PI4KA: variants seen among roughly 807,000 people sequenced by gnomAD.
PI4KA encodes PI4-kinase alpha.
PI4KA carries 122 observed loss-of-function variants against 271.4 expected under a neutral mutation model. The observed-to-expected ratio is 0.45, with a 90% confidence interval of 0.39 to 0.52. The LOEUF (loss-of-function observed/expected upper bound fraction) is 0.52, where lower values mean the gene tolerates loss of function less well. PI4KA is among the 20% of genes least tolerant of loss of function. The pLI, the probability that PI4KA is intolerant of heterozygous loss-of-function variation, is 0.00. For synonymous variants in PI4KA, 1,041 were observed against 1,078.8 expected (o/e 0.96, Z 0.69); for missense variants, 1,969 against 2,769.1 (o/e 0.71, Z 6.48).
chr22:20,730,382 C>A (rs1927880927), intron 36 of PI4KA, among the ~76,000 whole-genome samples: 1 of 151,944 alleles, frequency 6.6e-6, no homozygotes, highest in African/African-American at 2.4e-5. Flanking sequence ...TCAAGTGATC[C>A]TCCTGCCTCA....
Position 20,751,477 on chromosome 22 carries a change from G to A in PI4KA, c.3070-101C>T, listed in dbSNP as rs1930683275. On this transcript the variant is annotated intron_variant, in intron 26 of 54. Transcript: ENST00000255882. ...ACCCACCACCTGTCTGTCTGTGACAGGCCTCCATACTTGATGCAACTTATT... is the reference window on the plus strand; with the variant it reads ...ACCCACCACCTGTCTGTCTGTGACAAGCCTCCATACTTGATGCAACTTATT... The A allele has an allele frequency of 3.6e-6, 4 of 1,118,146 alleles. No homozygotes were observed. In the Admixed American group the frequency reaches 6.0e-5, roughly 17 times the overall value. The allele number at this position is 1,118,146 out of a possible 1,614,324, so 69.3% of individuals were successfully genotyped here. A position where few individuals can be genotyped will look rare whatever the true frequency, so the allele number is the denominator to read the frequency against.
chr22:20,794,312 G>A (rs2147561200), intron 18 of PI4KA, among the ~76,000 whole-genome samples: 1 of 152,260 alleles, frequency 6.6e-6, no homozygotes, highest in South Asian at 2.1e-4. Context: ...GGGAGAGCAG[G>A]CTCCTGAAAC....
intron 6 of PI4KA, 66 bp from the exon 7 acceptor site, chr22:20,818,615 G>A: frequency 4.8e-6 from 6 of 1,244,736 alleles, no homozygotes; most frequent in Non-Finnish European, 6.6e-6. Flanking sequence ...ATTTGTCTTA[G>A]ACAAGGTCCT....
chr22:20,854,994 A>G (rs991591758), intron 1 of PI4KA, among the ~76,000 whole-genome samples: 4 of 152,154 alleles, frequency 2.6e-5, no homozygotes, highest in African/African-American at 9.7e-5. Context: ...TCTACTAAAA[A>G]TACAAAAATT....
At chr22:20,796,089 C>T in intron 18 of PI4KA, 57 bp downstream of exon 18, 2 of 1,525,346 alleles carry the variant, frequency 1.3e-6, no homozygotes, top group South Asian at 1.1e-5. Context: ...GAAGACTAAG[C>T]CTTGGCCAGC....
intron 26 of PI4KA, 128 bp from the exon 27 acceptor site, chr22:20,751,504 C>A: frequency 1.0e-6 from 1 of 960,742 alleles, no homozygotes; most frequent in Non-Finnish European, 1.6e-6. Flanking sequence ...CAACTTATTG[C>A]AAAACACCAG....
chr22:20,838,538 T>C, intron 2 of PI4KA, 77 bp downstream of exon 2: 1 of 814,216 alleles, frequency 1.2e-6, no homozygotes, highest in Non-Finnish European at 2.1e-6. Context: ...TTTAGGTAAA[T>C]ATAAGCAGAT....
At chr22:20,758,364 CAAAAAAAAAAAAAAA>C (rs3042105) in intron 23 of PI4KA, among the ~76,000 whole-genome samples, 1 of 43,260 alleles carries the variant, frequency 2.3e-5, no homozygotes, top group African/African-American at 1.1e-4. Flanking sequence ...GACTCTGTCT[CAAAAAAAAAAAAAAA>C]AAAAAAAAAA....
chr22:20,801,862 G>C, intron 14 of PI4KA, 111 bp downstream of exon 14: 4 of 1,201,696 alleles, frequency 3.3e-6, no homozygotes, highest in Non-Finnish European at 3.5e-6. Context: ...TTCCAGCCTG[G>C]GCAACAGAGC....
In PI4KA at chr22:20,732,934, T is replaced by C. The variant is rs1229642003; in HGVS notation, c.4288+37A>G. On this transcript the variant is annotated intron_variant, in intron 36 of 54. Coordinates refer to ENST00000255882, the MANE Select transcript of PI4KA (RefSeq NM_058004.4). ...GCCCACGTGGCACCCCTGTCCTGCC[T>C]GCCTCCACCATGAGCAGCTGCACTG... is the stretch of plus-strand genomic sequence containing the variant. 3 of 1,610,360 alleles carry C rather than the reference T, an allele frequency of 1.9e-6. No homozygotes were observed. The Admixed American group carries it at 5.0e-5, about 27-fold the overall frequency.
At chr22:20,730,064 C>A in intron 36 of PI4KA, 53 bp from the exon 37 acceptor site, 2 of 1,595,776 alleles carry the variant, frequency 1.3e-6, no homozygotes, top group Admixed American at 1.7e-5. Flanking sequence ...AGAAAAGGTA[C>A]CACAAAAAAT....
chr22:20,790,048 C>T (rs1934527312), intron 19 of PI4KA, among the ~76,000 whole-genome samples: 1 of 152,156 alleles, frequency 6.6e-6, no homozygotes, highest in Non-Finnish European at 1.5e-5. Flanking sequence ...CATTAGATAC[C>T]ATTCAAAACG....
In PI4KA at chr22:20,717,133, C is replaced by T. The variant is rs9612783; in HGVS notation, c.5317+575G>A. ...TGGTGGCGGGTGCCTGCAGTCCCAG[C>T]TACTCGGGAGGCTGAGGCGACACAG... On this transcript the variant is annotated intron_variant, in intron 45 of 54. Transcript: ENST00000255882. Among the ~76,000 whole-genome samples the T allele has an allele frequency of 8.1e-4, 123 of 152,250 alleles. 1 individual carries two copies. The highest frequency in any genetic ancestry group is 2.9e-3 in the African/African-American group (121 of 41,544).
chr22:20,826,707 G>C (rs1005327657), intron 3 of PI4KA, among the ~76,000 whole-genome samples: 9 of 152,152 alleles, frequency 5.9e-5, no homozygotes, highest in East Asian at 5.8e-4. Context: ...AACCTCACCA[G>C]CATCTGTTAT....
intron 35 of PI4KA, 148 bp downstream of exon 35, chr22:20,733,588 G>C (rs968979031): frequency 4.5e-5 from 53 of 1,188,206 alleles, no homozygotes; most frequent in Admixed American, 2.4e-4. Flanking sequence ...TAAATCCACA[G>C]GGCCAGGGAT....
intron 19 of PI4KA, among the ~76,000 whole-genome samples, chr22:20,771,071 C>T (rs1932851487): frequency 6.6e-6 from 1 of 152,008 alleles, no homozygotes; most frequent in Non-Finnish European, 1.5e-5. Flanking sequence ...ATAAGACAAA[C>T]CTTGAAACTG....
chr22:20,854,143 CAG>C (rs1201582829), intron 1 of PI4KA, among the ~76,000 whole-genome samples: 1 of 152,088 alleles, frequency 6.6e-6, no homozygotes, highest in African/African-American at 2.4e-5. Flanking sequence ...TTTTTTGAGA[CAG>C]AGTCTCCGTT....
chr22:20,756,585 G>A (rs576788729), intron 23 of PI4KA, among the ~76,000 whole-genome samples: 1 of 152,090 alleles, frequency 6.6e-6, no homozygotes, highest in Non-Finnish European at 1.5e-5. Flanking sequence ...TAATCAGATA[G>A]ACATCAGATG....
rs362248 is a variant in PI4KA at position 20,825,069 on chromosome 22, C to CAAAAAAAAAA, written c.368-665_368-656dup. ...TGGGTGACAGAATGAGACGCCATCT[C>CAAAAAAAAAA]AAAAAAAAAAAAAAAAATCAATTTT... On this transcript the variant is annotated intron_variant, in intron 3 of 54. Transcript: ENST00000255882. 2.3e-4 allele frequency among the ~76,000 whole-genome samples: 18 copies of CAAAAAAAAAA among 76,778 alleles called. 3 individuals carry two copies. Among genetic ancestry groups the CAAAAAAAAAA allele is most frequent in the East Asian group, 8.1e-4 (2 of 2,472 alleles). 50.4% of individuals were successfully genotyped at this position (76,778 alleles called of 152,430 possible). A position where few individuals can be genotyped will look rare whatever the true frequency, so the allele number is the denominator to read the frequency against.
Sources: allele counts gnomAD v4.1 joint callset (sites outside exome capture counted in the v4.1 genomes callset), GRCh38; gene constraint gnomAD v4.1.1; transcripts MANE v1.5; gene names NCBI Gene and HGNC (gene_info 2026-07-23, HGNC 2026-07-21).